Variants in SMPDL3A observed in about 807,000 individuals in gnomAD.
The protein encoded by SMPDL3A is sphingomyelin phosphodiesterase acid like 3A.
SMPDL3A carries 39 observed loss-of-function variants against 38.5 expected under a neutral mutation model. That is an observed-to-expected ratio of 1.01 (90% CI 0.78 to 1.32). The LOEUF is 1.32. SMPDL3A is among the 40% of genes most tolerant of loss of function. SMPDL3A has a pLI of 0.00. For missense variants in SMPDL3A, 502 were observed against 536.2 expected (o/e 0.94, Z 0.63); for synonymous variants, 180 against 194.3 (o/e 0.93, Z 0.61).
intron 6 of SMPDL3A, 27 bp from the exon 7 acceptor site, chr6:122,806,206 A>G (rs376025263): frequency 3.2e-6 from 5 of 1,582,430 alleles, no homozygotes; most frequent in Non-Finnish European, 4.3e-6. Flanking sequence ...TTAAAAATGT[A>G]TGTTTATGTG....
chr6:122,804,564 C>T (rs1781540290), intron 5 of SMPDL3A, among the ~76,000 whole-genome samples: 1 of 149,830 alleles, frequency 6.7e-6, no homozygotes, highest in Admixed American at 6.6e-5. Flanking sequence ...GCTTTGGCAT[C>T]CCAAAGTGCT....
chr6:122,801,221 A>T, intron 3 of SMPDL3A, 89 bp from the exon 4 acceptor site: 1 of 846,818 alleles, frequency 1.2e-6, no homozygotes, highest in Non-Finnish European at 2.0e-6. Flanking sequence ...CTAGATGCCT[A>T]ACGTAGTAGT....
At chr6:122,803,604 T>G (rs1781494706) in intron 4 of SMPDL3A, 60 bp from the exon 5 acceptor site, 1 of 1,350,506 alleles carries the variant, frequency 7.4e-7, no homozygotes, top group African/African-American at 1.4e-5. Context: ...GAATTTGCTT[T>G]CACAATGTTT....
Position 122,809,180 on chromosome 6 carries a change from C to G in SMPDL3A, c.1134C>G (p.Tyr378Ter), listed in dbSNP as rs376202815. The G allele has an allele frequency of 6.2e-7, 1 of 1,614,016 alleles. No homozygotes were observed. The highest frequency in any genetic ancestry group is 8.5e-7 in the Non-Finnish European group (1 of 1,179,918). ...WKLEYILTQT[Y>*]DIEDLQPESL... ...TGGAGTATATCCTGACCCAGACCTA[C>G]GACATTGAAGATTTGCAGCCGGAAA... is the stretch of plus-strand genomic sequence containing the variant. Residue 378 changes from tyrosine to a stop codon, truncating the protein, a stop_gained, in exon 8 of 8, where the codon TAC becomes TAG. Coordinates refer to ENST00000368440, the MANE Select transcript of SMPDL3A (RefSeq NM_006714.5). LOFTEE classifies it low-confidence loss of function (END_TRUNC).
chr6:122,802,195 C>CTTTTTTTTTTTTTTTTTTTTTTTTT (rs3031702), intron 4 of SMPDL3A, among the ~76,000 whole-genome samples: 1 of 123,560 alleles, frequency 8.1e-6, no homozygotes. Flanking sequence ...TATATCTAGT[C>CTTTTTTTTTTTTTTTTTTTTTTTTT]TTTTTTTTTT....
chr6:122,809,551 C>A lies in SMPDL3A; in HGVS notation c.*143C>A. ...TTCTTTTTTTTTTTCTTTTTGATGCCTTAATGTAGATATCTTTATCATTCT... is the reference window on the plus strand; with the variant it reads ...TTCTTTTTTTTTTTCTTTTTGATGCATTAATGTAGATATCTTTATCATTCT... On this transcript the variant is annotated 3_prime_UTR_variant, in exon 8 of 8. Coordinates refer to ENST00000368440, the MANE Select transcript of SMPDL3A (RefSeq NM_006714.5). 1.7e-6 allele frequency: 1 copy of A among 605,796 alleles called. No individual in the cohort carries two copies. Among genetic ancestry groups the A allele is most frequent in the Non-Finnish European group, 2.9e-6 (1 of 344,844 alleles). The allele number at this position is 605,796 out of a possible 1,614,324, so 37.5% of individuals were successfully genotyped here.
intron 4 of SMPDL3A, among the ~76,000 whole-genome samples, chr6:122,803,226 C>T (rs1781483559): frequency 6.6e-6 from 1 of 152,170 alleles, no homozygotes; most frequent in African/African-American, 2.4e-5. Context: ...TGTGGTTTGT[C>T]TGACCTTTTT....
rs1394865854 is a variant in SMPDL3A, at chr6:122,789,354, T to C, written c.8T>C (p.Leu3Pro). The C allele has an allele frequency of 1.9e-6, 3 of 1,545,896 alleles. No homozygotes were observed. The highest frequency in any genetic ancestry group is 2.4e-5 in the South Asian group (2 of 83,796). Reference sequence around the variant, plus strand: ...TCAGCCCCGCGGCCCTCCATGGCGCTGGTGCGCGCACTCGTCTGCTGCCTG... The same window carrying C: ...TCAGCCCCGCGGCCCTCCATGGCGCCGGTGCGCGCACTCGTCTGCTGCCTG... MALVRALVCCLLT... is the reference protein window; with the variant it reads MAPVRALVCCLLT... Residue 3 changes from leucine to proline, a missense_variant, in exon 1 of 8, where the codon CTG becomes CCG. By Grantham distance (98) the Leu-to-Pro change is moderately conservative. Coordinates refer to ENST00000368440, the MANE Select transcript of SMPDL3A (RefSeq NM_006714.5).
Position 122,809,194 on chromosome 6 carries a change from T to A in SMPDL3A, c.1148T>A (p.Leu383Ter), listed in dbSNP as rs780320275. The change falls in exon 8 of 8, where the codon TTG (leucine) becomes TAG (stop). Residue 383 changes from leucine (L) to a stop codon, truncating the protein, a stop_gained. Transcript: ENST00000368440. LOFTEE classifies it low-confidence loss of function (END_TRUNC). ...ILTQTYDIED[L>*]QPESLYGLAK... ...ACCCAGACCTACGACATTGAAGATT[T>A]GCAGCCGGAAAGTTTATATGGATTA... The A allele has an allele frequency of 6.2e-7, 1 of 1,614,186 alleles. No homozygotes were observed.
chr6:122,802,747 G>A lies in SMPDL3A; in HGVS notation c.569-917G>A, dbSNP rs113858567. Among the ~76,000 whole-genome samples, 796 of 152,244 alleles carry A rather than the reference G, an allele frequency of 5.2e-3. 4 individuals are homozygous for A. Among genetic ancestry groups the A allele is most frequent in the African/African-American group, 0.018 (749 of 41,550 alleles). On this transcript the variant is annotated intron_variant, in intron 4 of 7. Coordinates refer to ENST00000368440, the MANE Select transcript of SMPDL3A (RefSeq NM_006714.5). The stretch of plus-strand genomic sequence containing the variant: ...CTCAAAGATCCAGTTAAACACTGGA[G>A]TATAATATTAAGTTAAAAATCATAG...
At chr6:122,807,206 A>T (rs1194888727) in intron 7 of SMPDL3A, among the ~76,000 whole-genome samples, 2 of 152,108 alleles carry the variant, frequency 1.3e-5, no homozygotes, top group Non-Finnish European at 2.9e-5. Context: ...CACCCAAAAA[A>T]TTTTTTTAAA....
At chr6:122,796,700 T>C (rs1336239471) in intron 2 of SMPDL3A, 124 bp from the exon 3 acceptor site, 5 of 627,192 alleles carry the variant, frequency 8.0e-6, no homozygotes, top group Non-Finnish European at 1.3e-5. Context: ...TATCAACTCT[T>C]TAGCTGTAAT....
chr6:122,805,843 T>C (rs1445138210), intron 6 of SMPDL3A, among the ~76,000 whole-genome samples: 1 of 152,206 alleles, frequency 6.6e-6, no homozygotes, highest in African/African-American at 2.4e-5. Context: ...TCTGCCCGCC[T>C]CGGCCTCCCA....
chr6:122,798,663 G>C (rs1423394082), intron 3 of SMPDL3A, among the ~76,000 whole-genome samples: 1 of 152,154 alleles, frequency 6.6e-6, no homozygotes, highest in Non-Finnish European at 1.5e-5. Flanking sequence ...AAGTGGGCTG[G>C]TGGTGATTGT....
At chr6:122,805,178 A>T (rs1304653439) in intron 6 of SMPDL3A, 89 bp downstream of exon 6, 2 of 1,131,586 alleles carry the variant, frequency 1.8e-6, no homozygotes, top group Non-Finnish European at 1.2e-6. Context: ...TTAGTAAATT[A>T]AACGTTTTAT....
chr6:122,809,209 T>G lies in SMPDL3A; in HGVS notation c.1163T>G (p.Leu388Ter), dbSNP rs561825340. ...YDIEDLQPES[L>*]YGLAKQFTIL... ...ATTGAAGATTTGCAGCCGGAAAGTTTATATGGATTAGCTAAACAATTTACA... is the reference window on the plus strand; with the variant it reads ...ATTGAAGATTTGCAGCCGGAAAGTTGATATGGATTAGCTAAACAATTTACA... Residue 388 changes from leucine (L) to a stop codon, truncating the protein, a stop_gained, in exon 8 of 8, where the codon TTA becomes TGA. Transcript: ENST00000368440. LOFTEE classifies it low-confidence loss of function (END_TRUNC). 1.2e-6 allele frequency: 2 copies of G among 1,614,212 alleles called. No individual in the cohort carries two copies. Among genetic ancestry groups the G allele is most frequent in the African/African-American group, 1.3e-5 (1 of 75,056 alleles).
chr6:122,790,271 T>C (rs766027654), intron 1 of SMPDL3A, among the ~76,000 whole-genome samples: 1 of 152,184 alleles, frequency 6.6e-6, no homozygotes, highest in Non-Finnish European at 1.5e-5. Context: ...GTATGCTGTT[T>C]AACCCACCCT....
chr6:122,795,840 T>C lies in SMPDL3A; in HGVS notation c.276T>C (p.Phe92=). ...DSPYQLILSA[F]DFIKNSGQEA... Reference sequence around the variant, plus strand: ...CATATCAACTTATTTTGTCAGCATTTGATTTTATTAAAAATTCTGGACAAG... The same window carrying C: ...CATATCAACTTATTTTGTCAGCATTCGATTTTATTAAAAATTCTGGACAAG... The change falls in exon 2 of 8, where the codon TTT becomes TTC. Residue 92 remains phenylalanine (F), a synonymous_variant. Coordinates refer to ENST00000368440, the MANE Select transcript of SMPDL3A (RefSeq NM_006714.5). 1 of 1,614,174 alleles carries C rather than the reference T, an allele frequency of 6.2e-7. No individual in the cohort carries two copies. The highest frequency in any genetic ancestry group is 8.5e-7 in the Non-Finnish European group (1 of 1,180,016).
At chr6:122,799,123 C>T (rs1190105570) in intron 3 of SMPDL3A, among the ~76,000 whole-genome samples, 1 of 152,156 alleles carries the variant, frequency 6.6e-6, no homozygotes, top group African/African-American at 2.4e-5. Flanking sequence ...TATACATATA[C>T]AGATGCATGT....
Sources: allele counts gnomAD v4.1 joint callset (sites outside exome capture counted in the v4.1 genomes callset), GRCh38; gene constraint gnomAD v4.1.1; transcripts MANE v1.5; gene names NCBI Gene and HGNC (gene_info 2026-07-23, HGNC 2026-07-21).